The following DCAF6 variants were observed in gnomAD, a reference collection of about 807,000 sequenced individuals.
DCAF6 encodes DDB1 and CUL4 associated factor 6.
In DCAF6, 54 loss-of-function variants were observed where a neutral mutation model predicts 125.1. The ratio of observed to expected loss-of-function variants is 0.43; its 90% CI spans 0.35 to 0.54. DCAF6 has a LOEUF of 0.54. Ranked by LOEUF, DCAF6 falls within the 20% of genes least tolerant of loss-of-function variation. The probability of loss-of-function intolerance (pLI) is 0.01; values close to 1 mark genes in which losing one functional copy is unlikely to be tolerated. For missense variants in DCAF6, 934 were observed against 1,161.7 expected (o/e 0.80, Z 2.85); for synonymous variants, 371 against 390.4 (o/e 0.95, Z 0.58).
chr1:167,991,297 G>C lies in DCAF6; in HGVS notation c.646G>C (p.Val216Leu). ...YLAVGCSDSS[V>L]RIYDRRMLGT... ...TGCTGTTGGTTGTTCTGACAGCTCA[G>C]TACGAATATATGATCGGCGAATGCT... Residue 216 changes from valine (V) to leucine (L), a missense_variant, in exon 6 of 22, where the codon GTA becomes CTA. Physicochemically the swap from Val to Leu is conservative, Grantham distance 32. Around this residue, in one of 5 missense-constraint regions of DCAF6, gnomAD observed 309 missense variants for 381.2 expected, o/e 0.81. Coordinates refer to ENST00000367840, the MANE Select transcript of DCAF6 (RefSeq NM_001198956.2). 1 of 1,613,502 alleles carries C rather than the reference G, an allele frequency of 6.2e-7. No homozygotes were observed. The highest frequency in any genetic ancestry group is 8.5e-7 in the Non-Finnish European group (1 of 1,179,766).
chr1:167,880,196 T>C, the DCAF6 span: 7 of 1,611,364 alleles, frequency 4.3e-6, no homozygotes, highest in Non-Finnish European at 1.7e-6. Context: ...ACAGTTCTGG[T>C]GCAGGGGAGA....
rs148842529 is a variant in DCAF6 at position 167,975,058 on chromosome 1, A to G, written c.438+43A>G. 2,664 of 1,337,238 alleles carry G rather than the reference A, an allele frequency of 2.0e-3. 4 individuals carry two copies. Among genetic ancestry groups the G allele is most frequent in the Non-Finnish European group, 2.4e-3 (2,352 of 1,000,420 alleles). The allele number at this position is 1,337,238 out of a possible 1,614,324, so 82.8% of individuals were successfully genotyped here. Reference sequence around the variant, plus strand: ...TTATATGATATATATGTAAGTATGTATATTTTTGATTAAGTACATACATGT... The same window carrying G: ...TTATATGATATATATGTAAGTATGTGTATTTTTGATTAAGTACATACATGT... On this transcript the variant is annotated intron_variant, in intron 4 of 21. Transcript: ENST00000367840.
chr1:167,904,520 C>G, the DCAF6 span: 5 of 258,476 alleles, frequency 1.9e-5, no homozygotes, highest in African/African-American at 2.2e-5. Context: ...CTTCCAAATT[C>G]TCAACTGTAC....
At chr1:167,872,477 G>A in the DCAF6 span, among the ~76,000 whole-genome samples, 97 of 151,814 alleles carry the variant, frequency 6.4e-4, no homozygotes, top group African/African-American at 7.3e-5. Flanking sequence ...ATTCTAAAAT[G>A]AGATTGTCTC....
chr1:167,873,716 C>T, the DCAF6 span, among the ~76,000 whole-genome samples: 1 of 151,896 alleles, frequency 6.6e-6, no homozygotes, highest in South Asian at 2.1e-4. Flanking sequence ...GGATTGTAGA[C>T]TTAAATATAA....
At chr1:167,944,064 G>A (rs12136645) in intron 1 of DCAF6, among the ~76,000 whole-genome samples, 16,048 of 152,080 alleles carry the variant, frequency 0.11, 987 homozygotes, top group Middle Eastern at 0.13. Context: ...GGATGGCCTC[G>A]ATCCCCCGAC....
intron 11 of DCAF6, among the ~76,000 whole-genome samples, chr1:168,021,084 T>G (rs1343225386): frequency 6.6e-6 from 1 of 152,162 alleles, no homozygotes; most frequent in East Asian, 1.9e-4. Flanking sequence ...GAAAATAGTT[T>G]TGTAGAGATG....
chr1:167,973,506 T>G (rs1312556080), intron 3 of DCAF6, among the ~76,000 whole-genome samples: 1 of 152,210 alleles, frequency 6.6e-6, no homozygotes, highest in Non-Finnish European at 1.5e-5. Flanking sequence ...AACAGTGATT[T>G]TTAAATTGTC....
At chr1:167,901,898 TC>T in the DCAF6 span, 2 of 1,610,268 alleles carry the variant, frequency 1.2e-6, no homozygotes, top group South Asian at 2.2e-5. Flanking sequence ...CATCAAGCAT[TC>T]CTCAGCCTAT....
chr1:167,952,157 A>G (rs1313966853), intron 2 of DCAF6, among the ~76,000 whole-genome samples: 1 of 152,110 alleles, frequency 6.6e-6, no homozygotes, highest in Non-Finnish European at 1.5e-5. Context: ...AACTAGACAT[A>G]TCACTCAAAC....
At chr1:167,943,500 AGAT>A (rs58308587) in intron 1 of DCAF6, among the ~76,000 whole-genome samples, 2,520 of 152,254 alleles carry the variant, frequency 0.017, 63 homozygotes, top group African/African-American at 0.058. Flanking sequence ...ATGCTATTTT[AGAT>A]GATATTTTTA....
intron 10 of DCAF6, among the ~76,000 whole-genome samples, chr1:168,015,009 C>G (rs1468088729): frequency 6.6e-6 from 1 of 152,178 alleles, no homozygotes; most frequent in Non-Finnish European, 1.5e-5. Context: ...TCATGTGTGC[C>G]TGTGTATTCG....
chr1:167,993,830 G>A (rs1244822435), intron 7 of DCAF6, among the ~76,000 whole-genome samples: 1 of 151,706 alleles, frequency 6.6e-6, no homozygotes, highest in Admixed American at 6.6e-5. Flanking sequence ...GTGACTCTTG[G>A]GGCCTAAAGG....
At chr1:168,050,474 A>T (rs929550180) in intron 16 of DCAF6, among the ~76,000 whole-genome samples, 1 of 152,172 alleles carries the variant, frequency 6.6e-6, no homozygotes, top group Non-Finnish European at 1.5e-5. Flanking sequence ...CTCATTTGTT[A>T]TATAGTCTTG....
chr1:167,923,398 G>A, the DCAF6 span, among the ~76,000 whole-genome samples: 2 of 152,102 alleles, frequency 1.3e-5, no homozygotes, highest in South Asian at 2.1e-4. Flanking sequence ...ATGTGACAAC[G>A]TTAATGTACC....
At chr1:167,874,445 A>G in the DCAF6 span, among the ~76,000 whole-genome samples, 1 of 152,244 alleles carries the variant, frequency 6.6e-6, no homozygotes, top group Non-Finnish European at 1.5e-5. Context: ...TATACACCCA[A>G]CAGAATTATT....
chr1:167,876,096 A>G, the DCAF6 span, among the ~76,000 whole-genome samples: 1 of 152,014 alleles, frequency 6.6e-6, no homozygotes, highest in East Asian at 1.9e-4. Context: ...GTCTCTACTA[A>G]AAATACAAAA....
the DCAF6 span, among the ~76,000 whole-genome samples, chr1:167,875,851 G>A: frequency 6.6e-6 from 1 of 152,182 alleles, no homozygotes; most frequent in Non-Finnish European, 1.5e-5. Context: ...TACTCAGGGG[G>A]CTGAGGCAGG....
At chr1:167,903,796 G>A in the DCAF6 span, 3 of 913,566 alleles carry the variant, frequency 3.3e-6, no homozygotes, top group Admixed American at 3.5e-5. Context: ...GGAGTGCTAA[G>A]CAATTGTACT....
Sources: gnomAD v4.1 joint callset for allele counts (sites outside exome capture counted in the v4.1 genomes callset) on GRCh38, gnomAD v4.1.1 for gene constraint, gnomAD v4.1.1 regional missense constraint, MANE v1.5 for transcripts, NCBI Gene and HGNC (gene_info 2026-07-23, HGNC 2026-07-21) for gene names.